DMD: variants seen among roughly 807,000 people sequenced by gnomAD.
DMD encodes dystrophin.
A neutral mutation model predicts 330.1 loss-of-function variants in DMD; 63 were observed. That is an observed-to-expected ratio of 0.19 (90% confidence interval 0.16 to 0.24). DMD has a LOEUF of 0.24. Ranked by LOEUF, DMD falls within the 10% of genes least tolerant of loss-of-function variation. The pLI, the probability that DMD is intolerant of heterozygous loss-of-function variation, is 1.00. For missense variants in DMD, 3,344 were observed against 2,684.1 expected (o/e 1.25, Z -5.43); for synonymous variants, 1,223 against 959.8 (o/e 1.27, Z -5.07).
chrX:31,799,791 G>C (rs1383354093), intron 50 of DMD, among the ~76,000 whole-genome samples: 4 of 112,307 alleles, frequency 3.6e-5, no homozygotes, highest in Non-Finnish European at 7.5e-5. Context: ...GATACAATGG[G>C]GGGTACAGGC....
intron 37 of DMD, among the ~76,000 whole-genome samples, chrX:32,355,535 C>A (rs1333813612): frequency 8.9e-6 from 1 of 111,736 alleles, no homozygotes; most frequent in African/African-American, 3.2e-5. Flanking sequence ...TATCAAATGA[C>A]ACTGCTCACC....
At chrX:32,994,495 T>C (rs1337821041) in intron 2 of DMD, among the ~76,000 whole-genome samples, 2 of 112,084 alleles carry the variant, frequency 1.8e-5, no homozygotes, top group African/African-American at 3.2e-5. Context: ...ATAATGTCTA[T>C]CTCAGTACGT....
chrX:32,944,949 G>A lies in DMD; in HGVS notation c.93+75190C>T, dbSNP rs72626063. On this transcript the variant is annotated intron_variant, in intron 2 of 78. Coordinates refer to ENST00000357033, the MANE Select transcript of DMD (RefSeq NM_004006.3). ...CACTCTAATAGCTACATGGGCAAAT[G>A]ACCTTTCATTTAAGGTTTTCAACAT... 0.01 allele frequency among the ~76,000 whole-genome samples: 1,137 copies of A among 110,842 alleles called. 48 individuals are homozygous for A. The East Asian group carries it at 0.17, about 16-fold the overall frequency.
chrX:32,077,176 A>C (rs1190692115), intron 44 of DMD, among the ~76,000 whole-genome samples: 2 of 111,154 alleles, frequency 1.8e-5, no homozygotes, highest in Non-Finnish European at 3.8e-5. Flanking sequence ...AAGGGGCAGA[A>C]GGGGGCCTCT....
intron 29 of DMD, among the ~76,000 whole-genome samples, chrX:32,423,113 G>A (rs1041461223): frequency 2.7e-5 from 3 of 110,744 alleles, no homozygotes; most frequent in African/African-American, 9.8e-5. Context: ...TCACTAAAAT[G>A]CTACTTTATC....
intron 1 of DMD, among the ~76,000 whole-genome samples, chrX:33,157,622 C>T (rs765978110): frequency 2.4e-4 from 27 of 112,129 alleles, no homozygotes; most frequent in Non-Finnish European, 3.8e-4. Flanking sequence ...AGCAGACAAA[C>T]AAATATATGT....
chrX:32,625,149 T>G lies in DMD; in HGVS notation c.1332-10696A>C, dbSNP rs187094391. Among the ~76,000 whole-genome samples, 606 of 111,358 alleles carry G rather than the reference T, an allele frequency of 5.4e-3. 2 individuals carry two copies. The highest frequency in any genetic ancestry group is 0.012 in the Admixed American group (131 of 10,518). ...TCGCACCATTAGACTCCAGCCTGAGTGACAGAGTGAAACGCCGTTTCAAAA... is the reference window on the plus strand; with the variant it reads ...TCGCACCATTAGACTCCAGCCTGAGGGACAGAGTGAAACGCCGTTTCAAAA... On this transcript the variant is annotated intron_variant, in intron 11 of 78. Transcript: ENST00000357033.
chrX:32,621,785 T>C (rs1178209955), intron 11 of DMD, among the ~76,000 whole-genome samples: 1 of 110,852 alleles, frequency 9.0e-6, no homozygotes, highest in Non-Finnish European at 1.9e-5. Flanking sequence ...CTGCTTTTTC[T>C]CTCTTCATTA....
chrX:32,417,815 T>G, intron 29 of DMD, among the ~76,000 whole-genome samples: 1 of 102,236 alleles, frequency 9.8e-6, no homozygotes, highest in African/African-American at 3.8e-5. Flanking sequence ...GAACTTTGTA[T>G]CTCTGTTACA....
rs146251642 is a variant in DMD, at chrX:32,139,723, G to T, written c.6438+77193C>A. 7.9e-3 allele frequency among the ~76,000 whole-genome samples: 883 copies of T among 111,725 alleles called. 18 individuals are homozygous for T. Among genetic ancestry groups the T allele is most frequent in the African/African-American group, 0.027 (826 of 30,800 alleles). ...GTTAATATGTAACTGGGGAAAGTTGGGTTATGTATACACAGGAAATCTCTG... is the reference window on the plus strand; with the variant it reads ...GTTAATATGTAACTGGGGAAAGTTGTGTTATGTATACACAGGAAATCTCTG... On this transcript the variant is annotated intron_variant, in intron 44 of 78. Transcript: ENST00000357033.
chrX:31,575,760 C>A (rs1170105805), intron 55 of DMD, among the ~76,000 whole-genome samples: 1 of 111,977 alleles, frequency 8.9e-6, no homozygotes, highest in African/African-American at 3.2e-5. Flanking sequence ...TAGTTTCCTA[C>A]ATAAACAGTT....
At chrX:31,977,656 T>A (rs2095445427) in intron 44 of DMD, among the ~76,000 whole-genome samples, 1 of 110,428 alleles carries the variant, frequency 9.1e-6, no homozygotes, top group Admixed American at 9.7e-5. Context: ...AGTTCTGAGG[T>A]TAGGTTTCTT....
chrX:33,267,972 T>C (rs757888991), intron 1 of DMD, among the ~76,000 whole-genome samples: 19 of 108,338 alleles, frequency 1.8e-4, no homozygotes, highest in Non-Finnish European at 3.4e-4. Context: ...GGAAATGTCC[T>C]TCTTGACATT....
At chrX:32,372,421 A>G (rs1158195907) in intron 34 of DMD, among the ~76,000 whole-genome samples, 1 of 111,835 alleles carries the variant, frequency 8.9e-6, no homozygotes, top group East Asian at 2.8e-4. Flanking sequence ...GTGCAGTTCC[A>G]GTATTCAAAC....
At chrX:31,795,861 T>C (rs966845461) in intron 50 of DMD, among the ~76,000 whole-genome samples, 5 of 112,169 alleles carry the variant, frequency 4.5e-5, no homozygotes, top group African/African-American at 1.6e-4. Context: ...ACTGAGAATG[T>C]AATGGTAAGT....
At chrX:31,905,649 G>C (rs1317460023) in intron 47 of DMD, among the ~76,000 whole-genome samples, 1 of 109,960 alleles carries the variant, frequency 9.1e-6, no homozygotes. Context: ...AGACGAGATG[G>C]GGAAAAGAGC....
intron 1 of DMD, among the ~76,000 whole-genome samples, chrX:33,336,252 CGTGT>C (rs35895322): frequency 0.074 from 7,236 of 97,741 alleles, 269 homozygotes; most frequent in Middle Eastern, 0.12. Context: ...TTTTCCAAAG[CGTGT>C]GTGTGTGTGT....
At chrX:31,928,809 G>T (rs946330967) in intron 47 of DMD, among the ~76,000 whole-genome samples, 4 of 111,497 alleles carry the variant, frequency 3.6e-5, no homozygotes, top group Non-Finnish European at 5.6e-5. Context: ...TAGCTCGGTA[G>T]GATTGTTTTA....
chrX:32,730,653 T>C (rs1192287371), intron 7 of DMD, among the ~76,000 whole-genome samples: 1 of 112,088 alleles, frequency 8.9e-6, no homozygotes, highest in Non-Finnish European at 1.9e-5. Context: ...ATGAAAAATA[T>C]TAGTAACTAC....
Sources: gnomAD v4.1 joint callset for allele counts (sites outside exome capture counted in the v4.1 genomes callset) on GRCh38, gnomAD v4.1.1 for gene constraint, MANE v1.5 for transcripts, NCBI Gene and HGNC (gene_info 2026-07-23, HGNC 2026-07-21) for gene names.